ZNF566: variants seen among roughly 807,000 people sequenced by gnomAD.
ZNF566 encodes zinc finger protein 566.
ZNF566 carries 27 observed loss-of-function variants against 32.8 expected under a neutral mutation model. That is an observed-to-expected ratio of 0.82 (90% confidence interval 0.61 to 1.14). The LOEUF (loss-of-function observed/expected upper bound fraction) is 1.14. Among genes scored for constraint, ZNF566 ranks in the 50% most tolerant of loss-of-function variants. The pLI, the probability that ZNF566 is intolerant of heterozygous loss-of-function variation, is 0.00. For synonymous variants in ZNF566, 154 were observed against 159.5 expected, an observed-to-expected ratio of 0.97 and a Z score of 0.26; for missense variants, 402 against 490.4, an observed-to-expected ratio of 0.82 and a Z score of 1.70.
At chr19:36,450,838 G>A (rs901481710) in intron 4 of ZNF566, among the ~76,000 whole-genome samples, 4 of 152,136 alleles carry the variant, frequency 2.6e-5, no homozygotes, top group South Asian at 2.1e-4. Flanking sequence ...ATGCTTTTGC[G>A]CTAAAAGGGC....
rs746973593 is a variant in ZNF566 at position 36,473,015 on chromosome 19, A to C, written c.137-9T>G. ...TTTAGAAATAGAATGCCCTGCTTAC[A>C]AAAGAAGTAACAAAACAAATTTATC... On this transcript the variant is annotated splice_polypyrimidine_tract_variant and intron_variant, in intron 3 of 4. Coordinates refer to ENST00000452939, the MANE Select transcript of ZNF566 (RefSeq NM_001145344.1). The C allele has an allele frequency of 1.2e-6, 2 of 1,607,414 alleles. No homozygotes were observed. The highest frequency in any genetic ancestry group is 2.7e-5 in the African/African-American group (2 of 74,596).
chr19:36,458,989 G>T (rs922660241), intron 4 of ZNF566, among the ~76,000 whole-genome samples: 5 of 152,150 alleles, frequency 3.3e-5, no homozygotes, highest in Non-Finnish European at 5.9e-5. Context: ...AGGTAGCTGG[G>T]ATTACAGGCA....
chr19:36,476,448 G>T (rs374958503), intron 2 of ZNF566, 101 bp downstream of exon 2: 2 of 836,826 alleles, frequency 2.4e-6, no homozygotes, highest in East Asian at 2.6e-5. Context: ...GAAAGGTGTT[G>T]TTTTTCTAAC....
At chr19:36,460,331 C>T (rs932581798) in intron 4 of ZNF566, among the ~76,000 whole-genome samples, 5 of 151,930 alleles carry the variant, frequency 3.3e-5, no homozygotes, top group Non-Finnish European at 7.4e-5. Flanking sequence ...GCACACTCTG[C>T]AAACCAATAT....
intron 4 of ZNF566, among the ~76,000 whole-genome samples, chr19:36,461,831 G>A (rs1243340377): frequency 2.6e-5 from 4 of 152,140 alleles, no homozygotes. Context: ...GGCCTTTGCA[G>A]TGTTATTTGG....
In ZNF566 at chr19:36,465,858, A is replaced by G. The variant is rs1247868263; in HGVS notation, c.232+7053T>C. Among the ~76,000 whole-genome samples, 6 of 151,922 alleles carry G rather than the reference A, an allele frequency of 3.9e-5. No individual in the cohort carries two copies. In the East Asian group the frequency reaches 9.6e-4, roughly 24 times the overall value. On this transcript the variant is annotated intron_variant, in intron 4 of 4. Transcript: ENST00000452939. Reference sequence around the variant, plus strand: ...TTACAGAATATATTAGCAAATCAATATAAATCAAGGCCAAAGAAATATATA... The same window carrying G: ...TTACAGAATATATTAGCAAATCAATGTAAATCAAGGCCAAAGAAATATATA...
At chr19:36,451,609 G>A (rs1473287493) in intron 4 of ZNF566, among the ~76,000 whole-genome samples, 2 of 152,004 alleles carry the variant, frequency 1.3e-5, no homozygotes, top group Non-Finnish European at 2.9e-5. Context: ...GTTTTCTTGG[G>A]CAAATTAGTT....
intron 1 of ZNF566, among the ~76,000 whole-genome samples, chr19:36,477,167 C>T (rs1311817513): frequency 2.6e-5 from 4 of 151,722 alleles, no homozygotes; most frequent in Middle Eastern, 3.4e-3. Flanking sequence ...TGTGCCACCA[C>T]GCCCGGCTAA....
chr19:36,464,993 T>C, intron 4 of ZNF566, among the ~76,000 whole-genome samples: 1 of 152,058 alleles, frequency 6.6e-6, no homozygotes, highest in Non-Finnish European at 1.5e-5. Context: ...AACATATCTA[T>C]AAAACATGCG....
chr19:36,488,740 T>G (rs2034233878), intron 1 of ZNF566, among the ~76,000 whole-genome samples: 1 of 152,210 alleles, frequency 6.6e-6, no homozygotes, highest in Non-Finnish European at 1.5e-5. Flanking sequence ...ATAGGGATGA[T>G]TCACAGAATT....
At chr19:36,474,494 G>A (rs1291441152) in intron 2 of ZNF566, among the ~76,000 whole-genome samples, 2 of 152,140 alleles carry the variant, frequency 1.3e-5, no homozygotes, top group Non-Finnish European at 2.9e-5. Flanking sequence ...CAAAAATGGT[G>A]ATATGGTAAC....
At chr19:36,472,757 G>A (rs950087452) in intron 4 of ZNF566, among the ~76,000 whole-genome samples, 154 bp downstream of exon 4, 2 of 152,226 alleles carry the variant, frequency 1.3e-5, no homozygotes, top group African/African-American at 4.8e-5. Context: ...GTTAGGTAAA[G>A]GGGAAAGGTA....
chr19:36,473,331 C>G lies in ZNF566; in HGVS notation c.136+1G>C. 1.2e-6 allele frequency: 2 copies of G among 1,614,010 alleles called. No homozygotes were observed. The highest frequency in any genetic ancestry group is 1.7e-6 in the Non-Finnish European group (2 of 1,179,962). Reference sequence around the variant, plus strand: ...AAATTACTATGGACAGATGTCCTTACCCATTGAAACCAGGTTGCTGTAATT... The same window carrying G: ...AAATTACTATGGACAGATGTCCTTAGCCATTGAAACCAGGTTGCTGTAATT... On this transcript the variant is annotated splice_donor_variant, in intron 3 of 4. Coordinates refer to ENST00000452939, the MANE Select transcript of ZNF566 (RefSeq NM_001145344.1). LOFTEE classifies it high-confidence loss of function.
In ZNF566 at chr19:36,469,497, G is replaced by A. The variant is rs186817713; in HGVS notation, c.232+3414C>T. Among the ~76,000 whole-genome samples the A allele has an allele frequency of 1.3e-3, 195 of 152,178 alleles. 1 individual carries two copies. The highest frequency in any genetic ancestry group is 4.7e-4 in the Non-Finnish European group (32 of 68,020). Reference sequence around the variant, plus strand: ...GGAGGTTGCAGTGAGCCGAGATCACGCCTTTACACTCCAGCCTGGGTAACA... The same window carrying A: ...GGAGGTTGCAGTGAGCCGAGATCACACCTTTACACTCCAGCCTGGGTAACA... On this transcript the variant is annotated intron_variant, in intron 4 of 4. Transcript: ENST00000452939.
intron 4 of ZNF566, among the ~76,000 whole-genome samples, chr19:36,458,207 A>G (rs1405453581): frequency 6.6e-6 from 1 of 152,050 alleles, no homozygotes; most frequent in Non-Finnish European, 1.5e-5. Flanking sequence ...GGATAAATTG[A>G]TAAAGAAAAT....
intron 1 of ZNF566, among the ~76,000 whole-genome samples, chr19:36,486,740 T>C (rs549786088): frequency 1.0e-3 from 140 of 136,456 alleles, no homozygotes; most frequent in African/African-American, 3.8e-3. Flanking sequence ...AAGGGGAAAA[T>C]GGACACAAAA....
chr19:36,451,966 C>G (rs1421548122), intron 4 of ZNF566, among the ~76,000 whole-genome samples: 1 of 151,716 alleles, frequency 6.6e-6, no homozygotes, highest in African/African-American at 2.4e-5. Context: ...AAGATCACAC[C>G]ACTGCACTCC....
At chr19:36,465,766 C>A (rs899214224) in intron 4 of ZNF566, among the ~76,000 whole-genome samples, 1 of 151,816 alleles carries the variant, frequency 6.6e-6, no homozygotes, top group Non-Finnish European at 1.5e-5. Flanking sequence ...AGCCACCATG[C>A]CCAGCTTATA....
In ZNF566 at chr19:36,445,384, C is replaced by T. The variant is rs2032968648; in HGVS notation, c.*3593G>A. On this transcript the variant is annotated 3_prime_UTR_variant, in exon 5 of 5. Coordinates refer to ENST00000452939, the MANE Select transcript of ZNF566 (RefSeq NM_001145344.1). ...GACATCCTGCATTAGATCGTATAAT[C>T]AATTCCTGATGTATTAAAATATTAA... 1.3e-5 allele frequency: 2 copies of T among 152,132 alleles called. 1 individual carries two copies. The highest frequency in any genetic ancestry group is 4.1e-4 in the South Asian group (2 of 4,832). 9.4% of individuals were successfully genotyped at this position (152,132 alleles called of 1,614,324 possible).
Sources: allele counts gnomAD v4.1 joint callset (sites outside exome capture counted in the v4.1 genomes callset), GRCh38; gene constraint gnomAD v4.1.1; transcripts MANE v1.5; gene names NCBI Gene and HGNC (gene_info 2026-07-23, HGNC 2026-07-21).